ELMO1: variants seen among roughly 807,000 people sequenced by gnomAD.
ELMO1 encodes the protein engulfment and cell motility protein 1.
Under a neutral mutation model 98.9 loss-of-function variants are expected in ELMO1, and 26 were observed. The ratio of observed to expected loss-of-function variants is 0.26; its 90% confidence interval spans 0.19 to 0.36. The LOEUF is 0.36. ELMO1 is among the 10% of genes least tolerant of loss of function. The probability of loss-of-function intolerance (pLI) is 1.00; values close to 1 mark genes in which losing one functional copy is unlikely to be tolerated. For missense variants in ELMO1, 627 were observed against 935.2 expected (o/e 0.67, Z 4.30); for synonymous variants, 346 against 346.0 (o/e 1.00, Z 0.00).
chr7:37,244,551 T>C (rs1376430175), intron 6 of ELMO1, among the ~76,000 whole-genome samples, 160 bp from the exon 7 acceptor site: 1 of 152,178 alleles, frequency 6.6e-6, no homozygotes, highest in African/African-American at 2.4e-5. Flanking sequence ...TTCAAAGTAA[T>C]AAACTGGTGT....
chr7:36,881,658 C>A (rs979321641), intron 18 of ELMO1, among the ~76,000 whole-genome samples: 1 of 152,084 alleles, frequency 6.6e-6, no homozygotes, highest in Non-Finnish European at 1.5e-5. Flanking sequence ...CTTTTTCTTG[C>A]GTGCGTGTGC....
chr7:37,041,520 A>G (rs1795507375), intron 15 of ELMO1, among the ~76,000 whole-genome samples: 3 of 152,202 alleles, frequency 2.0e-5, no homozygotes, highest in Admixed American at 1.3e-4. Flanking sequence ...CACTAGTCCA[A>G]CATCTCCCAG....
intron 13 of ELMO1, among the ~76,000 whole-genome samples, chr7:37,154,793 A>G (rs1196965689): frequency 1.3e-5 from 2 of 152,196 alleles, no homozygotes; most frequent in Non-Finnish European, 2.9e-5. Context: ...CCAACATTCA[A>G]ATTCAGGAAA....
intron 5 of ELMO1, among the ~76,000 whole-genome samples, chr7:37,262,071 A>G (rs1334668859): frequency 2.0e-5 from 3 of 152,262 alleles, no homozygotes; most frequent in Non-Finnish European, 4.4e-5. Flanking sequence ...GAAGCTAAGT[A>G]GATGGAATTT....
At chr7:37,240,039 T>G (rs1290447332) in intron 7 of ELMO1, among the ~76,000 whole-genome samples, 1 of 127,240 alleles carries the variant, frequency 7.9e-6, no homozygotes, top group Admixed American at 7.6e-5. Context: ...TTTCTTTTTT[T>G]TTTTCTTTTT....
chr7:36,957,981 T>C lies in ELMO1; in HGVS notation c.1437+55318A>G, dbSNP rs115262952. 9.3e-3 allele frequency among the ~76,000 whole-genome samples: 1,420 copies of C among 152,290 alleles called. 20 individuals are homozygous for C. The highest frequency in any genetic ancestry group is 0.032 in the African/African-American group (1,346 of 41,534). Reference sequence around the variant, plus strand: ...TGTGCTGCCCATTGCTTTCTTTAACTTACTACTGTCTTTGTAAATTATTTT... The same window carrying C: ...TGTGCTGCCCATTGCTTTCTTTAACCTACTACTGTCTTTGTAAATTATTTT... On this transcript the variant is annotated intron_variant, in intron 16 of 21. Coordinates refer to ENST00000310758, the MANE Select transcript of ELMO1 (RefSeq NM_014800.11).
intron 10 of ELMO1, among the ~76,000 whole-genome samples, chr7:37,219,293 AT>A (rs1171455745): frequency 2.0e-5 from 3 of 152,182 alleles, no homozygotes; most frequent in Non-Finnish European, 4.4e-5. Context: ...CCATGGTGGC[AT>A]TTTTTTCAGT....
chr7:37,170,232 C>A (rs1790056347), intron 13 of ELMO1, among the ~76,000 whole-genome samples: 1 of 152,184 alleles, frequency 6.6e-6, no homozygotes, highest in African/African-American at 2.4e-5. Context: ...TCGTCTATTT[C>A]CAATTCTAAA....
intron 14 of ELMO1, among the ~76,000 whole-genome samples, chr7:37,114,187 G>A (rs1483795834): frequency 2.6e-5 from 4 of 152,190 alleles, no homozygotes; most frequent in Admixed American, 6.5e-5. Context: ...GAATCACTAT[G>A]GCATCTTTCC....
intron 1 of ELMO1, among the ~76,000 whole-genome samples, chr7:37,375,223 C>G (rs1802286338): frequency 1.3e-5 from 2 of 152,140 alleles, no homozygotes; most frequent in Admixed American, 1.3e-4. Context: ...CCTTGCTAAA[C>G]ACTTGGTAAC....
chr7:36,909,993 G>T (rs570522024), intron 16 of ELMO1, among the ~76,000 whole-genome samples: 79 of 152,278 alleles, frequency 5.2e-4, no homozygotes, highest in African/African-American at 1.8e-3. Flanking sequence ...ATACTCCATT[G>T]CCCCTTCTTC....
At chr7:37,230,533 C>A (rs1239655795) in intron 8 of ELMO1, among the ~76,000 whole-genome samples, 1 of 152,152 alleles carries the variant, frequency 6.6e-6, no homozygotes, top group Non-Finnish European at 1.5e-5. Flanking sequence ...TGCATCCCTG[C>A]CTCCTAACCA....
chr7:37,434,011 C>A (rs892817554), intron 1 of ELMO1, among the ~76,000 whole-genome samples: 4 of 152,040 alleles, frequency 2.6e-5, no homozygotes, highest in African/African-American at 9.7e-5. Context: ...CAGAGACACA[C>A]AGAGAGTGAG....
intron 4 of ELMO1, among the ~76,000 whole-genome samples, chr7:37,311,186 A>G (rs1798871369): frequency 6.6e-6 from 1 of 152,192 alleles, no homozygotes; most frequent in Non-Finnish European, 1.5e-5. Flanking sequence ...TAATGGCCTA[A>G]TAAGCAAAGG....
intron 13 of ELMO1, among the ~76,000 whole-genome samples, chr7:37,203,217 T>C (rs1004866229): frequency 4.6e-5 from 7 of 152,160 alleles, no homozygotes; most frequent in African/African-American, 1.4e-4. Flanking sequence ...CTGAGCAAAA[T>C]TGTATTTAAT....
intron 13 of ELMO1, among the ~76,000 whole-genome samples, chr7:37,182,023 G>GAAA (rs10649379): frequency 6.6e-6 from 1 of 150,654 alleles, no homozygotes; most frequent in African/African-American, 2.4e-5. Context: ...TCTCAAATAA[G>GAAA]AAAAAAAAAA....
chr7:37,204,541 A>C (rs988908469), intron 13 of ELMO1, among the ~76,000 whole-genome samples: 5 of 152,304 alleles, frequency 3.3e-5, no homozygotes, highest in African/African-American at 1.2e-4. Context: ...TTTATTGCAA[A>C]GAGCAAAAGA....
intron 8 of ELMO1, among the ~76,000 whole-genome samples, chr7:37,229,189 T>C (rs1398808715): frequency 6.6e-6 from 1 of 152,168 alleles, no homozygotes; most frequent in Non-Finnish European, 1.5e-5. Flanking sequence ...CCTGCACAGC[T>C]AGGGTTTCAA....
At chr7:37,046,871 G>A (rs1333065383) in intron 15 of ELMO1, among the ~76,000 whole-genome samples, 1 of 152,178 alleles carries the variant, frequency 6.6e-6, no homozygotes, top group Non-Finnish European at 1.5e-5. Context: ...AAAGAACAAA[G>A]GGGTTTTCAA....
Sources: allele counts gnomAD v4.1 joint callset (sites outside exome capture counted in the v4.1 genomes callset), GRCh38; gene constraint gnomAD v4.1.1; transcripts MANE v1.5; gene names NCBI Gene and HGNC (gene_info 2026-07-23, HGNC 2026-07-21).